Variants in WWOX observed in about 807,000 individuals in gnomAD.
WWOX encodes WW domain-containing oxidoreductase.
Under a neutral mutation model 46.2 loss-of-function variants are expected in WWOX, and 69 were observed. That is an observed-to-expected ratio of 1.49 (90% CI 1.23 to 1.82). The LOEUF (loss-of-function observed/expected upper bound fraction) is 1.82, where lower values mean the gene tolerates loss of function less well. WWOX is among the 40% of genes most tolerant of loss of function. The pLI is 0.00. For synonymous variants in WWOX, 359 were observed against 202.6 expected (o/e 1.77, Z -6.56); for missense variants, 919 against 542.6 (o/e 1.69, Z -6.89).
intron 8 of WWOX, among the ~76,000 whole-genome samples, chr16:78,546,987 G>T (rs1300007319): frequency 6.6e-6 from 1 of 151,874 alleles, no homozygotes; most frequent in African/African-American, 2.4e-5. Context: ...AATTAGCTGG[G>T]CATGGTAGTG....
intron 5 of WWOX, among the ~76,000 whole-genome samples, chr16:78,223,996 A>G (rs1027396513): frequency 1.3e-5 from 2 of 152,124 alleles, no homozygotes; most frequent in African/African-American, 4.8e-5. Flanking sequence ...AGGTGGCATC[A>G]ACTTTATCTT....
chr16:78,449,421 C>CAGGG (rs2083638519), intron 8 of WWOX, among the ~76,000 whole-genome samples: 1 of 152,136 alleles, frequency 6.6e-6, no homozygotes, highest in East Asian at 1.9e-4. Flanking sequence ...CAGGGGTGAT[C>CAGGG]AGGGCCAGCT....
chr16:79,112,201 A>G (rs1206925889), intron 8 of WWOX, among the ~76,000 whole-genome samples: 1 of 152,174 alleles, frequency 6.6e-6, no homozygotes, highest in Non-Finnish European at 1.5e-5. Context: ...TGTAAGTATT[A>G]TACATGCCAA....
At chr16:78,595,460 G>C (rs1030725113) in intron 8 of WWOX, among the ~76,000 whole-genome samples, 1 of 152,164 alleles carries the variant, frequency 6.6e-6, no homozygotes, top group Non-Finnish European at 1.5e-5. Context: ...CCAAAGATCC[G>C]CCATGTCTTT....
intron 8 of WWOX, among the ~76,000 whole-genome samples, chr16:79,018,546 G>T (rs2047463695): frequency 6.6e-6 from 1 of 152,124 alleles, no homozygotes. Context: ...TCAGTGGTTT[G>T]GGGGAGTGGG....
At chr16:78,159,258 A>G (rs1034825394) in intron 4 of WWOX, among the ~76,000 whole-genome samples, 2 of 152,142 alleles carry the variant, frequency 1.3e-5, no homozygotes, top group South Asian at 4.1e-4. Flanking sequence ...ATAATGCTGC[A>G]GTGAACATGA....
At chr16:79,048,133 C>A (rs942536312) in intron 8 of WWOX, among the ~76,000 whole-genome samples, 1 of 152,158 alleles carries the variant, frequency 6.6e-6, no homozygotes, top group African/African-American at 2.4e-5. Flanking sequence ...AAATCATTTT[C>A]TATTTCATGG....
At chr16:78,484,627 A>C (rs2084584487) in intron 8 of WWOX, among the ~76,000 whole-genome samples, 1 of 152,186 alleles carries the variant, frequency 6.6e-6, no homozygotes, top group African/African-American at 2.4e-5. Context: ...AAACGGTAGT[A>C]TTTGTGTGTA....
intron 8 of WWOX, among the ~76,000 whole-genome samples, chr16:78,852,497 G>A (rs1026999176): frequency 6.6e-6 from 1 of 152,180 alleles, no homozygotes; most frequent in African/African-American, 2.4e-5. Flanking sequence ...ACATGAGCGA[G>A]CCTTGTTGGA....
chr16:78,624,372 T>C (rs1352288041), intron 8 of WWOX, among the ~76,000 whole-genome samples: 1 of 152,198 alleles, frequency 6.6e-6, no homozygotes, highest in Non-Finnish European at 1.5e-5. Context: ...GTTCCTTTTA[T>C]TGTCACCTCT....
chr16:78,938,442 T>C (rs2045786817), intron 8 of WWOX, among the ~76,000 whole-genome samples: 5 of 151,856 alleles, frequency 3.3e-5, no homozygotes, highest in Admixed American at 2.6e-4. Flanking sequence ...TGTGAGACAG[T>C]GAAACCCTCA....
At chr16:78,333,148 T>A (rs1039222195) in intron 5 of WWOX, among the ~76,000 whole-genome samples, 1 of 147,436 alleles carries the variant, frequency 6.8e-6, no homozygotes, top group Non-Finnish European at 1.5e-5. Context: ...CCTCCCAGGT[T>A]CAGGCGATTC....
In WWOX at chr16:78,108,896, G is replaced by A. The variant is rs570174512; in HGVS notation, c.172+409G>A. Among the ~76,000 whole-genome samples, 33 of 152,256 alleles carry A rather than the reference G, an allele frequency of 2.2e-4. No individual in the cohort carries two copies. In the South Asian group the frequency reaches 6.6e-3, roughly 31 times the overall value. On this transcript the variant is annotated intron_variant, in intron 2 of 8. Coordinates refer to ENST00000566780, the MANE Select transcript of WWOX (RefSeq NM_016373.4). ...CCAGCTACTTTGGAGGCTGAGGCAC[G>A]AGAAGTGCTCAAACCCAGGAGCTGG...
chr16:78,216,360 G>A (rs2036721095), intron 5 of WWOX, among the ~76,000 whole-genome samples: 2 of 152,258 alleles, frequency 1.3e-5, no homozygotes, highest in South Asian at 4.1e-4. Flanking sequence ...GTTTCCAAGT[G>A]TATTAGTTTC....
At chr16:78,329,170 A>G (rs142624112) in intron 5 of WWOX, among the ~76,000 whole-genome samples, 51 of 152,068 alleles carry the variant, frequency 3.4e-4, no homozygotes, top group African/African-American at 1.2e-3. Flanking sequence ...CTGCTGATAT[A>G]TTTTTAATTA....
At chr16:78,513,349 G>A (rs1480425813) in intron 8 of WWOX, among the ~76,000 whole-genome samples, 1 of 152,222 alleles carries the variant, frequency 6.6e-6, no homozygotes, top group Non-Finnish European at 1.5e-5. Context: ...GATAAAAGAT[G>A]TAATTATTGG....
chr16:78,671,025 C>A (rs112547705), intron 8 of WWOX, among the ~76,000 whole-genome samples: 21 of 152,102 alleles, frequency 1.4e-4, no homozygotes, highest in African/African-American at 5.1e-4. Flanking sequence ...ACACCAGAAG[C>A]TGGAACAGAG....
chr16:78,546,946 G>C (rs2044047439), intron 8 of WWOX, among the ~76,000 whole-genome samples: 1 of 151,834 alleles, frequency 6.6e-6, no homozygotes, highest in African/African-American at 2.4e-5. Context: ...GGGCAACATG[G>C]TGAAACCCTA....
chr16:78,994,838 G>C, intron 8 of WWOX, among the ~76,000 whole-genome samples: 1 of 152,148 alleles, frequency 6.6e-6, no homozygotes, highest in South Asian at 2.1e-4. Flanking sequence ...TTGCACTAGG[G>C]CTCTTTTCAG....
Sources: allele counts gnomAD v4.1 joint callset (sites outside exome capture counted in the v4.1 genomes callset), GRCh38; gene constraint gnomAD v4.1.1; transcripts MANE v1.5; gene names NCBI Gene and HGNC (gene_info 2026-07-23, HGNC 2026-07-21).